ITPR3: variants seen among roughly 807,000 people sequenced by gnomAD.
ITPR3 encodes the protein inositol 1,4,5-trisphosphate-gated calcium channel ITPR3.
In ITPR3, 173 loss-of-function variants were observed where a neutral mutation model predicts 293.2. The ratio of observed to expected loss-of-function variants is 0.59; its 90% CI spans 0.52 to 0.67. The LOEUF (loss-of-function observed/expected upper bound fraction) is 0.67, where lower values mean the gene tolerates loss of function less well. ITPR3 is among the 30% of genes least tolerant of loss of function. The pLI, the probability that ITPR3 is intolerant of heterozygous loss-of-function variation, is 0.00. For missense variants in ITPR3, 2,796 were observed against 3,592.1 expected (o/e 0.78, Z 5.66); for synonymous variants, 1,295 against 1,444.4 (o/e 0.90, Z 2.35).
chr6:33,689,349 T>C lies in ITPR3; in HGVS notation c.6806T>C (p.Ile2269Thr), dbSNP rs772334082. 1.2e-6 allele frequency: 2 copies of C among 1,612,442 alleles called. No individual in the cohort carries two copies. The highest frequency in any genetic ancestry group is 3.3e-5 in the Admixed American group (2 of 60,006). Residue 2269 changes from isoleucine (I) to threonine (T), a missense_variant, in exon 50 of 58, where the codon ATC (isoleucine) becomes ACC (threonine). Around this residue, in one of 8 missense-constraint regions of ITPR3, gnomAD observed 568 missense variants for 796.1 expected, o/e 0.71. Coordinates refer to ENST00000605930, the MANE Select transcript of ITPR3 (RefSeq NM_002224.4). The stretch of plus-strand genomic sequence containing the variant: ...ATCCGCCCCCTCATCGTGGCGCTCA[T>C]CCTGCGCTCCATCTACTATCTGGGC... ...YSIRPLIVAL[I>T]LRSIYYLGIG...
chr6:33,690,789 C>A (rs1765367065), intron 51 of ITPR3, 128 bp from the exon 52 acceptor site: 1 of 803,166 alleles, frequency 1.2e-6, no homozygotes, highest in Non-Finnish European at 2.0e-6. Context: ...TAAGTGCAGA[C>A]CTCCCTGGAG....
In ITPR3 at chr6:33,675,878, G is replaced by C. The variant is rs1764893501; in HGVS notation, c.3282+22G>C. ...GCAGGTGACGGGACTACCTGGCCCT[G>C]GCCCTGAGCATGAGGCCTGCACCAG... is the stretch of plus-strand genomic sequence containing the variant. On this transcript the variant is annotated intron_variant, in intron 25 of 57. Coordinates refer to ENST00000605930, the MANE Select transcript of ITPR3 (RefSeq NM_002224.4). This position sits in a 1 kb window ranked among gnomAD's most constrained non-coding sequence, Gnocchi z 5.0. 6.5e-7 allele frequency: 1 copy of C among 1,542,536 alleles called. No homozygotes were observed.
chr6:33,684,386 A>G lies in ITPR3; in HGVS notation c.4967A>G (p.Glu1656Gly). The G allele has an allele frequency of 6.2e-7, 1 of 1,613,998 alleles. No homozygotes were observed. The highest frequency in any genetic ancestry group is 8.5e-7 in the Non-Finnish European group (1 of 1,179,974). ...KLIQHTKDLM[E>G]SEEKLCIKVL... ...ATCCAGCACACCAAGGACCTCATGGAGTCGGAGGAGAAGCTGTGCATCAAG... is the reference window on the plus strand; with the variant it reads ...ATCCAGCACACCAAGGACCTCATGGGGTCGGAGGAGAAGCTGTGCATCAAG... The change falls in exon 37 of 58, where the codon GAG becomes GGG. Residue 1656 changes from glutamate to glycine, a missense_variant. By Grantham distance (98) the Glu-to-Gly change is moderately conservative (BLOSUM62 -2). Coordinates refer to ENST00000605930, the MANE Select transcript of ITPR3 (RefSeq NM_002224.4). The surrounding 1 kb of genome is among the most constrained non-coding windows in gnomAD (Gnocchi z 4.2).
intron 50 of ITPR3, among the ~76,000 whole-genome samples, chr6:33,689,818 C>G (rs1165110474): frequency 6.6e-6 from 1 of 152,336 alleles, no homozygotes; most frequent in East Asian, 1.9e-4. Flanking sequence ...TCTTCTCTGT[C>G]CCCATCCTCC....
chr6:33,685,184 A>C (rs536265829), intron 39 of ITPR3, among the ~76,000 whole-genome samples, 175 bp from the exon 40 acceptor site: 3 of 152,258 alleles, frequency 2.0e-5, no homozygotes, highest in East Asian at 1.9e-4. Flanking sequence ...ACAGGAGCAG[A>C]TATGGGGCAT....
intron 1 of ITPR3, among the ~76,000 whole-genome samples, chr6:33,623,863 C>T (rs1223473876): frequency 4.6e-5 from 7 of 152,186 alleles, no homozygotes; most frequent in African/African-American, 1.7e-4. Context: ...CCAACATCTC[C>T]TGATGTTCCA....
In ITPR3 at chr6:33,655,742, C is replaced by T; in HGVS notation, c.161-24C>T. ...TGAGCCCCAGATGAATCATTCCCCT[C>T]ACCCCCAACCTGCCCCACCACAGAC... On this transcript the variant is annotated intron_variant, in intron 2 of 57. Coordinates refer to ENST00000605930, the MANE Select transcript of ITPR3 (RefSeq NM_002224.4). The surrounding 1 kb of genome is among the most constrained non-coding windows in gnomAD (Gnocchi z 4.9). 6.2e-7 allele frequency: 1 copy of T among 1,613,762 alleles called. No homozygotes were observed. Among genetic ancestry groups the T allele is most frequent in the Non-Finnish European group, 8.5e-7 (1 of 1,179,814 alleles).
chr6:33,656,199 T>C (rs539689819), intron 3 of ITPR3, among the ~76,000 whole-genome samples: 2 of 152,238 alleles, frequency 1.3e-5, no homozygotes, highest in African/African-American at 4.8e-5. Flanking sequence ...TGAATTGCTG[T>C]GAAGGAGGGG....
chr6:33,631,640 T>TA (rs1252479392), intron 1 of ITPR3, among the ~76,000 whole-genome samples: 1 of 152,198 alleles, frequency 6.6e-6, no homozygotes, highest in Non-Finnish European at 1.5e-5. Context: ...GGGAAGGGTT[T>TA]AAGCCTCCGG....
At chr6:33,681,246 A>T (rs1582155458) in intron 33 of ITPR3, among the ~76,000 whole-genome samples, 1 of 152,184 alleles carries the variant, frequency 6.6e-6, no homozygotes. Context: ...TCCAGCAGGA[A>T]CTCCTAACTC....
At chr6:33,648,154 C>T (rs145325967) in intron 2 of ITPR3, among the ~76,000 whole-genome samples, 7,889 of 151,594 alleles carry the variant, frequency 0.052, 250 homozygotes, top group African/African-American at 0.077. Context: ...CAGCCTTGAC[C>T]TCCCAGGCTC....
intron 1 of ITPR3, among the ~76,000 whole-genome samples, chr6:33,637,418 A>C (rs531378774): frequency 1.3e-5 from 2 of 152,332 alleles, no homozygotes; most frequent in South Asian, 2.1e-4. Flanking sequence ...ACCCCCTCCC[A>C]GTACCCACAT....
At position 33,691,231 on chromosome 6, in the gene ITPR3, T is replaced by C; in HGVS notation, c.7225+122T>C. ...CCAGGCTCCCGTCTGCTTCTCCTCTTGGCTTCTGGGGACGTCTAGCTAACA... is the reference window on the plus strand; with the variant it reads ...CCAGGCTCCCGTCTGCTTCTCCTCTCGGCTTCTGGGGACGTCTAGCTAACA... On this transcript the variant is annotated intron_variant, in intron 52 of 57. Transcript: ENST00000605930. The surrounding 1 kb of genome is among the most constrained non-coding windows in gnomAD (Gnocchi z 4.9). The C allele has an allele frequency of 1.1e-6, 1 of 948,692 alleles. No homozygotes were observed. Among genetic ancestry groups the C allele is most frequent in the Non-Finnish European group, 1.6e-6 (1 of 623,250 alleles). The allele number at this position is 948,692 out of a possible 1,614,324, so 58.8% of individuals were successfully genotyped here.
Position 33,670,240 on chromosome 6 carries a change from T to G in ITPR3, c.2190-85T>G. On this transcript the variant is annotated intron_variant, in intron 18 of 57. Coordinates refer to ENST00000605930, the MANE Select transcript of ITPR3 (RefSeq NM_002224.4). The surrounding 1 kb of genome is among the most constrained non-coding windows in gnomAD (Gnocchi z 6.7). ...TAACCTAATCCCTTTGCCACTTTAC[T>G]GAGTCCTCACCAAGTCTAGTGCCCA... 3 of 1,460,600 alleles carry G rather than the reference T, an allele frequency of 2.1e-6. No individual in the cohort carries two copies. The highest frequency in any genetic ancestry group is 2.8e-6 in the Non-Finnish European group (3 of 1,053,802). The allele number at this position is 1,460,600 out of a possible 1,614,324, so 90.5% of individuals were successfully genotyped here.
At position 33,690,201 on chromosome 6, in the gene ITPR3, G is replaced by A. The variant is rs1410718323; in HGVS notation, c.7032+3G>A. On this transcript the variant is annotated splice_donor_region_variant and intron_variant, in intron 51 of 57. Coordinates refer to ENST00000605930, the MANE Select transcript of ITPR3 (RefSeq NM_002224.4). ...ATGAGCTGTTCTACAGCATCCTGGT[G>A]AGGCCTTCTGGGTGGGCTGGGGCTG... 41 of 1,612,184 alleles carry A rather than the reference G, an allele frequency of 2.5e-5. No homozygotes were observed. Among genetic ancestry groups the A allele is most frequent in the South Asian group, 6.6e-5 (6 of 90,976 alleles).
chr6:33,624,804 G>A lies in ITPR3; in HGVS notation c.89+3113G>A, dbSNP rs1325468268. On this transcript the variant is annotated intron_variant, in intron 1 of 57. Coordinates refer to ENST00000605930, the MANE Select transcript of ITPR3 (RefSeq NM_002224.4). The surrounding 1 kb of genome is among the most constrained non-coding windows in gnomAD (Gnocchi z 4.7). ...AGATGGGCCAGGTCACCTGGGAGAT[G>A]GGAAGGGGGCATTAGTTGGGGAGGG... is the stretch of plus-strand genomic sequence containing the variant. Among the ~76,000 whole-genome samples the A allele has an allele frequency of 6.6e-6, 1 of 152,240 alleles. No individual in the cohort carries two copies. Among genetic ancestry groups the A allele is most frequent in the Non-Finnish European group, 1.5e-5 (1 of 68,048 alleles).
Position 33,680,049 on chromosome 6 carries a change from C to G in ITPR3, c.4140C>G (p.Asn1380Lys). 1 of 1,613,842 alleles carries G rather than the reference C, an allele frequency of 6.2e-7. No individual in the cohort carries two copies. ...DLLAACAEGK[N>K]VYTEIKCTSL... ...TGGCCGCCTGTGCCGAGGGCAAAAA[C>G]GTCTACACTGAGATCAAGTGCACCT... is the stretch of plus-strand genomic sequence containing the variant. The change falls in exon 31 of 58, where the codon AAC becomes AAG. Residue 1380 changes from asparagine to lysine, a missense_variant. By Grantham distance (94) the Asn-to-Lys change is moderately conservative. Transcript: ENST00000605930.
At chr6:33,647,997 C>T (rs936191993) in intron 2 of ITPR3, among the ~76,000 whole-genome samples, 2 of 151,988 alleles carry the variant, frequency 1.3e-5, no homozygotes, top group African/African-American at 4.8e-5. Flanking sequence ...CCCCTTTTAA[C>T]TCTTTTCATG....
intron 57 of ITPR3, 71 bp from the exon 58 acceptor site, chr6:33,695,641 C>G (rs1353696015): frequency 4.0e-6 from 6 of 1,484,308 alleles, no homozygotes; most frequent in Non-Finnish European, 5.6e-6. Context: ...GTGCCAAGCT[C>G]TTCCACAGCA....
Sources: allele counts gnomAD v4.1 joint callset (sites outside exome capture counted in the v4.1 genomes callset), GRCh38; gene constraint gnomAD v4.1.1; regional missense constraint gnomAD v4.1.1; non-coding constraint Gnocchi (gnomAD v3.1); transcripts MANE v1.5; gene names NCBI Gene and HGNC (gene_info 2026-07-23, HGNC 2026-07-21).